Variants in SPG21 observed in about 807,000 individuals in gnomAD.
SPG21 encodes SPG21 abhydrolase domain containing, maspardin, also known as maspardin.
Under a neutral mutation model 38.9 loss-of-function variants are expected in SPG21, and 26 were observed. That is an observed-to-expected ratio of 0.67 (90% CI 0.49 to 0.93). The LOEUF (loss-of-function observed/expected upper bound fraction) is 0.93. Among genes scored for constraint, SPG21 ranks in the 40% least tolerant of loss-of-function variants. The pLI, the probability that SPG21 is intolerant of heterozygous loss-of-function variation, is 0.00. For synonymous variants in SPG21, 136 were observed against 128.9 expected, an observed-to-expected ratio of 1.05 and a Z score of -0.37; for missense variants, 333 against 376.5, an observed-to-expected ratio of 0.88 and a Z score of 0.96.
chr15:64,965,215 G>A, intron 8 of SPG21, 105 bp downstream of exon 8: 1 of 1,466,002 alleles, frequency 6.8e-7, no homozygotes, highest in Non-Finnish European at 9.5e-7. Context: ...TTTCTACAAG[G>A]AATTCTGTAG....
intron 7 of SPG21, 89 bp downstream of exon 7, chr15:64,969,166 C>T: frequency 1.1e-6 from 1 of 939,226 alleles, no homozygotes; most frequent in South Asian, 1.4e-5. Context: ...TGAAGAGGTA[C>T]ATTGAAAGTT....
chr15:64,970,265 C>G (rs745830978), intron 5 of SPG21, 43 bp from the exon 6 acceptor site: 1 of 1,471,544 alleles, frequency 6.8e-7, no homozygotes, highest in East Asian at 2.3e-5. Flanking sequence ...TCCAAGACTA[C>G]ACATGGCAAA....
intron 7 of SPG21, among the ~76,000 whole-genome samples, chr15:64,965,731 CTT>C (rs796732000): frequency 1.6e-4 from 23 of 144,660 alleles, no homozygotes; most frequent in East Asian, 2.0e-4. Context: ...GGGGGAAATT[CTT>C]TTTTTTTTTT....
intron 3 of SPG21, among the ~76,000 whole-genome samples, chr15:64,978,021 C>T (rs551117442): frequency 1.8e-4 from 27 of 151,710 alleles, no homozygotes; most frequent in Non-Finnish European, 3.4e-4. Context: ...TTAGTAGAGA[C>T]GGGGTTTCAC....
intron 1 of SPG21, among the ~76,000 whole-genome samples, chr15:64,984,867 A>C (rs2085958436): frequency 6.6e-6 from 1 of 150,974 alleles, no homozygotes; most frequent in Admixed American, 6.6e-5. Flanking sequence ...CTCCTGCCTC[A>C]GCCTCCTGAG....
At chr15:64,965,033 T>C (rs1328913427) in intron 8 of SPG21, among the ~76,000 whole-genome samples, 1 of 152,142 alleles carries the variant, frequency 6.6e-6, no homozygotes, top group Non-Finnish European at 1.5e-5. Context: ...ATTCACTGTG[T>C]CCAGAGGGCA....
intron 2 of SPG21, 119 bp from the exon 3 acceptor site, chr15:64,981,144 C>G (rs1178281156): frequency 1.7e-6 from 2 of 1,201,162 alleles, no homozygotes; most frequent in Non-Finnish European, 2.4e-6. Context: ...ACAAGGTAAC[C>G]TGGAGCTCAC....
chr15:64,986,020 G>GAT (rs780853555), intron 1 of SPG21, among the ~76,000 whole-genome samples: 5 of 152,148 alleles, frequency 3.3e-5, no homozygotes, highest in Admixed American at 6.5e-5. Context: ...AGTGTGCACA[G>GAT]ATATATATAG....
intron 2 of SPG21, 98 bp from the exon 3 acceptor site, chr15:64,981,123 C>A: frequency 6.9e-7 from 1 of 1,449,716 alleles, no homozygotes. Context: ...ACTACTACTG[C>A]CTTGTTTGTT....
intron 1 of SPG21, among the ~76,000 whole-genome samples, chr15:64,983,935 C>A (rs1257708124): frequency 1.3e-5 from 2 of 152,100 alleles, no homozygotes; most frequent in African/African-American, 4.8e-5. Context: ...AGGTGCCCGC[C>A]ACCACGCCCA....
intron 1 of SPG21, among the ~76,000 whole-genome samples, chr15:64,985,674 A>G (rs563918048): frequency 6.6e-6 from 1 of 152,140 alleles, no homozygotes; most frequent in Non-Finnish European, 1.5e-5. Flanking sequence ...TCCCGGGCTG[A>G]CTCTGAACTG....
chr15:64,983,859 T>G (rs1298889504), intron 1 of SPG21, among the ~76,000 whole-genome samples: 1 of 151,654 alleles, frequency 6.6e-6, no homozygotes, highest in Non-Finnish European at 1.5e-5. Flanking sequence ...CTCAGCTCAC[T>G]GCATCCTCTA....
intron 8 of SPG21, 37 bp downstream of exon 8, chr15:64,965,283 G>C (rs575451661): frequency 6.2e-7 from 1 of 1,613,902 alleles, no homozygotes. Flanking sequence ...AACATATGTT[G>C]GGCTCAGAGT....
At chr15:64,988,969 G>C (rs935792524) in intron 1 of SPG21, 1 of 137,500 alleles carries the variant, frequency 7.3e-6, no homozygotes, top group African/African-American at 2.8e-5. Flanking sequence ...GCGACGGAGC[G>C]AGACTCCGTC....
chr15:64,972,622 GGA>G (rs1284653931), intron 5 of SPG21, among the ~76,000 whole-genome samples: 3 of 152,134 alleles, frequency 2.0e-5, no homozygotes, highest in Non-Finnish European at 2.9e-5. Context: ...CACGAGGTCA[GGA>G]GATCGAGACC....
intron 2 of SPG21, chr15:64,983,127 G>C (rs184121390): frequency 2.1e-5 from 6 of 290,854 alleles, no homozygotes; most frequent in Admixed American, 3.8e-5. Flanking sequence ...GTGTGGTAGC[G>C]CATGCCTGTA....
chr15:64,976,239 AC>A lies in SPG21; in HGVS notation c.306+235del, dbSNP rs374973901. On this transcript the variant is annotated intron_variant, in intron 4 of 8. Transcript: ENST00000204566. ...CAGGAGTTTGAGAGCAGCCTGGCCA[AC>A]CTGGCGAAACCCCATCTTTACTAAA... is the stretch of plus-strand genomic sequence containing the variant. Among the ~76,000 whole-genome samples the A allele has an allele frequency of 4.9e-4, 74 of 152,260 alleles. No homozygotes were observed. The East Asian group carries it at 0.012, about 24-fold the overall frequency.
At chr15:64,969,691 T>TG (rs200720198) in intron 6 of SPG21, among the ~76,000 whole-genome samples, 99 of 131,366 alleles carry the variant, frequency 7.5e-4, no homozygotes, top group African/African-American at 9.6e-4. Flanking sequence ...GTTTTTGTTT[T>TG]TTTTTTTTTT....
At chr15:64,981,178 C>A in intron 2 of SPG21, 153 bp from the exon 3 acceptor site, 2 of 761,976 alleles carry the variant, frequency 2.6e-6, no homozygotes, top group Non-Finnish European at 4.2e-6. Flanking sequence ...GCATGACAAA[C>A]TCCTCTGATC....
Sources: allele counts gnomAD v4.1 joint callset (sites outside exome capture counted in the v4.1 genomes callset), GRCh38; gene constraint gnomAD v4.1.1; transcripts MANE v1.5; gene names NCBI Gene and HGNC (gene_info 2026-07-23, HGNC 2026-07-21).